The following CSMD1 variants were observed in gnomAD, a reference collection of about 807,000 sequenced individuals.
CSMD1 encodes the protein CUB and sushi domain-containing protein 1.
A neutral mutation model predicts 417.5 loss-of-function variants in CSMD1; 213 were observed. That is an observed-to-expected ratio of 0.51 (90% confidence interval 0.46 to 0.57). The LOEUF is 0.57. CSMD1 is among the 20% of genes least tolerant of loss of function. CSMD1 has a pLI of 0.00. For missense variants in CSMD1, 6,923 were observed against 4,529.7 expected, an observed-to-expected ratio of 1.53 and a Z score of -15.17; for synonymous variants, 2,862 against 1,736.8, an observed-to-expected ratio of 1.65 and a Z score of -16.11.
intron 3 of CSMD1, among the ~76,000 whole-genome samples, chr8:4,054,392 G>A (rs893683785): frequency 2.0e-5 from 3 of 152,112 alleles, no homozygotes; most frequent in African/African-American, 7.2e-5. Flanking sequence ...GGCCGCCCGA[G>A]CCATCTACCC....
chr8:4,752,881 C>T (rs751905556), intron 1 of CSMD1, among the ~76,000 whole-genome samples: 6 of 152,060 alleles, frequency 3.9e-5, no homozygotes, highest in Non-Finnish European at 7.4e-5. Context: ...GTCTTTTCTC[C>T]CAAAGATCCT....
intron 3 of CSMD1, among the ~76,000 whole-genome samples, chr8:4,294,669 A>C (rs915802993): frequency 6.6e-6 from 1 of 152,128 alleles, no homozygotes; most frequent in African/African-American, 2.4e-5. Flanking sequence ...GGTATTTTAC[A>C]TTTTAAAAAT....
At chr8:3,312,738 G>T (rs755569338) in intron 23 of CSMD1, among the ~76,000 whole-genome samples, 1 of 152,134 alleles carries the variant, frequency 6.6e-6, no homozygotes, top group Non-Finnish European at 1.5e-5. Context: ...GGAGAAGAGT[G>T]CTGCCTCCAC....
At chr8:4,444,785 A>G (rs186273537) in intron 2 of CSMD1, among the ~76,000 whole-genome samples, 63 of 152,318 alleles carry the variant, frequency 4.1e-4, no homozygotes, top group African/African-American at 1.3e-3. Context: ...GACTAAGAAC[A>G]TATTATTCCA....
intron 2 of CSMD1, among the ~76,000 whole-genome samples, chr8:4,473,321 G>A (rs1225751927): frequency 1.3e-5 from 2 of 152,160 alleles, no homozygotes; most frequent in Non-Finnish European, 2.9e-5. Context: ...ACAAAAGGAG[G>A]GAAAATCAGC....
At chr8:3,607,934 C>G (rs890121922) in intron 8 of CSMD1, among the ~76,000 whole-genome samples, 2 of 152,102 alleles carry the variant, frequency 1.3e-5, no homozygotes, top group Non-Finnish European at 2.9e-5. Flanking sequence ...CTTTGGGAGG[C>G]CAAGGCAGGC....
At chr8:4,030,294 C>G (rs551028846) in intron 4 of CSMD1, among the ~76,000 whole-genome samples, 5 of 152,202 alleles carry the variant, frequency 3.3e-5, no homozygotes, top group Non-Finnish European at 5.9e-5. Context: ...ATGAGGACCG[C>G]CACCCATAGC....
chr8:4,578,348 T>C (rs1219445787), intron 2 of CSMD1, among the ~76,000 whole-genome samples: 1 of 144,608 alleles, frequency 6.9e-6, no homozygotes, highest in African/African-American at 2.6e-5. Context: ...TTTTTTTTTT[T>C]TTTTTTTTTT....
At chr8:3,462,061 G>T (rs898667223) in intron 12 of CSMD1, among the ~76,000 whole-genome samples, 2 of 152,106 alleles carry the variant, frequency 1.3e-5, no homozygotes, top group African/African-American at 2.4e-5. Context: ...ACTGACCAGT[G>T]CTAGTGCTGG....
chr8:3,385,108 AAAAAT>A (rs1810920690), intron 18 of CSMD1, among the ~76,000 whole-genome samples: 1 of 90,626 alleles, frequency 1.1e-5, no homozygotes, highest in Non-Finnish European at 2.2e-5. Context: ...ATATATAAAT[AAAAAT>A]ATATATAATA....
At chr8:3,395,282 C>T (rs1474830717) in intron 17 of CSMD1, among the ~76,000 whole-genome samples, 6 of 152,132 alleles carry the variant, frequency 3.9e-5, no homozygotes, top group Admixed American at 3.9e-4. Context: ...AGTCTGATTC[C>T]TTCAGGTCCA....
chr8:3,947,714 C>A (rs930882877), intron 5 of CSMD1, among the ~76,000 whole-genome samples: 2 of 152,100 alleles, frequency 1.3e-5, no homozygotes. Context: ...ATTGACTAAG[C>A]CTTTTTTTAA....
At chr8:4,368,237 C>T (rs574350794) in intron 3 of CSMD1, among the ~76,000 whole-genome samples, 37 of 152,230 alleles carry the variant, frequency 2.4e-4, no homozygotes, top group Non-Finnish European at 5.1e-4. Flanking sequence ...TTTTCTGTGT[C>T]TACTGAGATG....
At chr8:4,717,784 T>C (rs573471151) in intron 1 of CSMD1, among the ~76,000 whole-genome samples, 38 of 152,210 alleles carry the variant, frequency 2.5e-4, no homozygotes, top group African/African-American at 9.2e-4. Flanking sequence ...AATAAAAGCA[T>C]ACAAAGGTAG....
At chr8:3,066,923 G>A (rs1463686800) in intron 49 of CSMD1, among the ~76,000 whole-genome samples, 1 of 152,178 alleles carries the variant, frequency 6.6e-6, no homozygotes, top group Non-Finnish European at 1.5e-5. Context: ...CTAAGTAGGA[G>A]CTTCTAGTTA....
chr8:3,154,932 A>C (rs528666015), intron 39 of CSMD1, among the ~76,000 whole-genome samples: 4 of 152,286 alleles, frequency 2.6e-5, no homozygotes, highest in Middle Eastern at 6.8e-3. Flanking sequence ...CAGCTACAAA[A>C]AACCTTTTAA....
chr8:4,886,044 G>T (rs1393049377), intron 1 of CSMD1, among the ~76,000 whole-genome samples: 1 of 152,074 alleles, frequency 6.6e-6, no homozygotes, highest in Non-Finnish European at 1.5e-5. Flanking sequence ...AGGCTGGACT[G>T]CAGTGGTGCA....
chr8:4,059,337 G>C (rs890590934), intron 3 of CSMD1, among the ~76,000 whole-genome samples: 2 of 140,558 alleles, frequency 1.4e-5, no homozygotes, highest in Non-Finnish European at 3.2e-5. Flanking sequence ...ACAAGAGAAA[G>C]TAGGAAAGAT....
At chr8:3,412,526 T>C (rs1812876475) in intron 12 of CSMD1, among the ~76,000 whole-genome samples, 1 of 152,132 alleles carries the variant, frequency 6.6e-6, no homozygotes, top group South Asian at 2.1e-4. Context: ...GTTTGATACA[T>C]TATCACACTA....
Sources: allele counts gnomAD v4.1 joint callset (sites outside exome capture counted in the v4.1 genomes callset), GRCh38; gene constraint gnomAD v4.1.1; transcripts MANE v1.5; gene names NCBI Gene and HGNC (gene_info 2026-07-23, HGNC 2026-07-21).